Variants in EFHD1 observed in about 807,000 individuals in gnomAD.
The protein encoded by EFHD1 is EF-hand domain family member D1, also known as EF-hand domain-containing protein D1.
A neutral mutation model predicts 17.2 loss-of-function variants in EFHD1; 10 were observed. That is an observed-to-expected ratio of 0.58 (90% CI 0.36 to 0.99). The LOEUF (loss-of-function observed/expected upper bound fraction) is 0.99. EFHD1 is among the 50% of genes least tolerant of loss of function. The pLI is 0.01. For missense variants in EFHD1, 310 were observed against 327.5 expected (o/e 0.95, Z 0.41); for synonymous variants, 153 against 142.0 (o/e 1.08, Z -0.55).
intron 1 of EFHD1, among the ~76,000 whole-genome samples, chr2:232,660,083 G>A (rs1469726195): frequency 2.0e-5 from 3 of 152,178 alleles, no homozygotes; most frequent in Non-Finnish European, 4.4e-5. Flanking sequence ...ACTACAGTTC[G>A]ACATGAGATT....
intron 1 of EFHD1, among the ~76,000 whole-genome samples, chr2:232,620,076 CA>C (rs1247198669): frequency 2.7e-5 from 4 of 150,408 alleles, no homozygotes; most frequent in Admixed American, 1.3e-4. Context: ...ATAATGATGT[CA>C]TTTTTTTTTT....
Position 232,613,781 on chromosome 2 carries a change from T to C in EFHD1, c.14+7608T>C, listed in dbSNP as rs559146274. Among the ~76,000 whole-genome samples, 17 of 135,880 alleles carry C rather than the reference T, an allele frequency of 1.3e-4. No homozygotes were observed. In the South Asian group the frequency reaches 2.8e-3, roughly 23 times the overall value. The allele number at this position is 135,880 out of a possible 152,430, so 89.1% of individuals were successfully genotyped here. A position where few individuals can be genotyped will look rare whatever the true frequency, so the allele number is the denominator to read the frequency against. Reference sequence around the variant, plus strand: ...ACGCACACACATACACACACAAATATACACACACATATACACACAAAAATA... The same window carrying C: ...ACGCACACACATACACACACAAATACACACACACATATACACACAAAAATA... On this transcript the variant is annotated intron_variant, in intron 1 of 3. Coordinates refer to the EFHD1 transcript ENST00000409613.
At chr2:232,645,832 A>G (rs145049251) in intron 1 of EFHD1, among the ~76,000 whole-genome samples, 1 of 152,316 alleles carries the variant, frequency 6.6e-6, no homozygotes, top group Non-Finnish European at 1.5e-5. Flanking sequence ...GCCTAAAGTC[A>G]CACACCTTGT....
Position 232,612,493 on chromosome 2 carries a change from T to G in EFHD1, c.14+6320T>G, listed in dbSNP as rs557957492. Among the ~76,000 whole-genome samples the G allele has an allele frequency of 2.7e-4, 41 of 152,208 alleles. No individual in the cohort carries two copies. The South Asian group carries it at 8.3e-3, about 31-fold the overall frequency. ...AATCAACATTTCATCAAAGAAGATA[T>G]GTGGAAAGTCACTAGAGACATGAAA... On this transcript the variant is annotated intron_variant, in intron 1 of 3. Transcript: ENST00000409613.
chr2:232,612,749 T>C (rs1559335314), intron 1 of EFHD1, among the ~76,000 whole-genome samples: 1 of 150,872 alleles, frequency 6.6e-6, no homozygotes, highest in Non-Finnish European at 1.5e-5. Flanking sequence ...TTTTTTTTTT[T>C]TGAGATGGAG....
At chr2:232,674,355 G>T (rs1259591973) in intron 3 of EFHD1, among the ~76,000 whole-genome samples, 1 of 152,234 alleles carries the variant, frequency 6.6e-6, no homozygotes, top group African/African-American at 2.4e-5. Context: ...GTCAAAAAAT[G>T]AGATGCAGCT....
At chr2:232,649,522 C>T (rs1033336720) in intron 1 of EFHD1, among the ~76,000 whole-genome samples, 6 of 152,146 alleles carry the variant, frequency 3.9e-5, no homozygotes, top group Admixed American at 2.0e-4. Context: ...AAAGATGAGG[C>T]TGTCTGGGAC....
intron 1 of EFHD1, 132 bp from the exon 2 acceptor site, chr2:232,662,670 G>A (rs1221874553): frequency 8.9e-6 from 11 of 1,236,952 alleles, no homozygotes; most frequent in Non-Finnish European, 9.7e-6. Flanking sequence ...TCTGGAGCAG[G>A]TGACCCACAT....
At chr2:232,650,530 G>A (rs1226729171) in intron 1 of EFHD1, among the ~76,000 whole-genome samples, 3 of 103,056 alleles carry the variant, frequency 2.9e-5, no homozygotes, top group African/African-American at 1.3e-4. Context: ...CTGACCTCAG[G>A]TGATCCACCC....
chr2:232,639,669 G>A (rs1002556945), intron 1 of EFHD1, among the ~76,000 whole-genome samples: 1 of 152,168 alleles, frequency 6.6e-6, no homozygotes, highest in African/African-American at 2.4e-5. Flanking sequence ...GGCTGAGTTA[G>A]TGGGTCTCCA....
intron 1 of EFHD1, among the ~76,000 whole-genome samples, chr2:232,607,206 C>A (rs1455043441): frequency 6.6e-6 from 1 of 151,886 alleles, no homozygotes; most frequent in Non-Finnish European, 1.5e-5. Context: ...CTTTGGGAAG[C>A]CAGGGCAGTC....
At chr2:232,657,106 A>T (rs1323083923) in intron 1 of EFHD1, among the ~76,000 whole-genome samples, 5 of 152,178 alleles carry the variant, frequency 3.3e-5, no homozygotes, top group Admixed American at 3.3e-4. Context: ...ACCATTTTTA[A>T]GTATAGAGTT....
chr2:232,623,023 G>C (rs777621467), intron 1 of EFHD1, among the ~76,000 whole-genome samples: 1 of 152,044 alleles, frequency 6.6e-6, no homozygotes, highest in Non-Finnish European at 1.5e-5. Flanking sequence ...ATGGCCACTA[G>C]AAAACTTTTC....
intron 1 of EFHD1, among the ~76,000 whole-genome samples, chr2:232,623,676 AAAAAAAAAAAAAAAAAAAG>A (rs1448184914): frequency 9.9e-6 from 1 of 100,922 alleles, no homozygotes; most frequent in South Asian, 2.8e-4. Flanking sequence ...CTCTGTCCAA[AAAAAAAAAAAAAAAAAAAG>A]AAGAAGAAGA....
intron 1 of EFHD1, among the ~76,000 whole-genome samples, chr2:232,648,407 C>T (rs575355439): frequency 2.0e-5 from 3 of 151,940 alleles, no homozygotes; most frequent in African/African-American, 7.3e-5. Flanking sequence ...GTTTCCCAGC[C>T]CGCAGCTGGT....
intron 2 of EFHD1, among the ~76,000 whole-genome samples, chr2:232,665,776 C>A (rs753314604): frequency 1.1e-4 from 16 of 152,224 alleles, no homozygotes; most frequent in Non-Finnish European, 2.2e-4. Flanking sequence ...CATCTGAAGT[C>A]TCAGTCATGT....
At chr2:232,642,192 G>A (rs1694444854) in intron 1 of EFHD1, among the ~76,000 whole-genome samples, 1 of 152,002 alleles carries the variant, frequency 6.6e-6, no homozygotes, top group Non-Finnish European at 1.5e-5. Context: ...GGACCAGCCT[G>A]GCCAATATGG....
intron 2 of EFHD1, among the ~76,000 whole-genome samples, chr2:232,667,074 C>T (rs1694980224): frequency 6.6e-6 from 1 of 152,150 alleles, no homozygotes; most frequent in East Asian, 1.9e-4. Context: ...AACTGGAAAC[C>T]ATATTTGCTG....
chr2:232,662,862 G>C lies in EFHD1; in HGVS notation c.363G>C (p.Lys121Asn). The C allele has an allele frequency of 6.3e-7, 1 of 1,592,072 alleles. No individual in the cohort carries two copies. The highest frequency in any genetic ancestry group is 1.8e-5 in the Admixed American group (1 of 56,230). ...TGGAGCTGAAGCTGATGATGGAGAA[G>C]CTGGGGGCCCCCCAGACCCACCTGG... is the stretch of plus-strand genomic sequence containing the variant. ...DLMELKLMMEKLGAPQTHLGL... is the reference protein window; with the variant it reads ...DLMELKLMMENLGAPQTHLGL... The change falls in exon 2 of 4, where the codon AAG becomes AAC. Residue 121 changes from lysine (K) to asparagine (N), a missense_variant. Transcript: ENST00000264059.
Sources: gnomAD v4.1 joint callset for allele counts (sites outside exome capture counted in the v4.1 genomes callset) on GRCh38, gnomAD v4.1.1 for gene constraint, MANE v1.5 for transcripts, NCBI Gene and HGNC (gene_info 2026-07-23, HGNC 2026-07-21) for gene names.